The following ARHGEF11 variants were observed in gnomAD, a reference collection of about 807,000 sequenced individuals.
The protein encoded by ARHGEF11 is Rho guanine exchange factor (GEF) 11.
ARHGEF11 carries 55 observed loss-of-function variants against 193.7 expected under a neutral mutation model. The ratio of observed to expected loss-of-function variants is 0.28; its 90% CI spans 0.23 to 0.36. ARHGEF11 has a LOEUF of 0.36. Among genes scored for constraint, ARHGEF11 ranks in the 10% least tolerant of loss-of-function variants. The pLI, the probability that ARHGEF11 is intolerant of heterozygous loss-of-function variation, is 1.00. For synonymous variants in ARHGEF11, 693 were observed against 768.0 expected (o/e 0.90, Z 1.62); for missense variants, 1,723 against 2,005.6 (o/e 0.86, Z 2.69).
At chr1:156,951,839 G>A in intron 21 of ARHGEF11, 140 bp from the exon 22 acceptor site, 3 of 1,131,922 alleles carry the variant, frequency 2.7e-6, no homozygotes, top group South Asian at 1.5e-5. Flanking sequence ...GTCAGGAGAT[G>A]TGTTCTGGTC....
At chr1:156,949,159 A>G in intron 22 of ARHGEF11, 7 of 977,106 alleles carry the variant, frequency 7.2e-6, no homozygotes, top group Non-Finnish European at 8.5e-6. Context: ...TCAAGAGCAG[A>G]CAGGCTTGTG....
chr1:156,967,598 G>A (rs1661865574), intron 11 of ARHGEF11, among the ~76,000 whole-genome samples: 1 of 152,028 alleles, frequency 6.6e-6, no homozygotes, highest in Non-Finnish European at 1.5e-5. Context: ...CTATGTTACG[G>A]TTCCAAGTAA....
chr1:157,015,930 G>A (rs1220185321), intron 1 of ARHGEF11, among the ~76,000 whole-genome samples: 1 of 152,248 alleles, frequency 6.6e-6, no homozygotes, highest in East Asian at 1.9e-4. Flanking sequence ...TGAGGAGGGG[G>A]AGAGATACCT....
At position 157,021,650 on chromosome 1, in the gene ARHGEF11, T is replaced by C. The variant is rs541633671; in HGVS notation, c.32+22649A>G. Among the ~76,000 whole-genome samples the C allele has an allele frequency of 2.1e-5, 3 of 146,274 alleles. No homozygotes were observed. In the South Asian group the frequency reaches 6.7e-4, roughly 33 times the overall value. On this transcript the variant is annotated intron_variant, in intron 1 of 40. Transcript: ENST00000368194. ...CCAAATAAAGCAGTGGAAAAAAAGT[T>C]AGACTAAATTCAAAAGTCTTGCATT...
chr1:157,026,036 A>G (rs1023484036), intron 1 of ARHGEF11, among the ~76,000 whole-genome samples: 4 of 152,234 alleles, frequency 2.6e-5, no homozygotes. Flanking sequence ...CAGCACCCTA[A>G]CTACATTCAC....
intron 37 of ARHGEF11, chr1:156,939,213 T>G: frequency 3.1e-6 from 1 of 321,684 alleles, no homozygotes; most frequent in East Asian, 9.5e-5. Flanking sequence ...GAACAGGAGA[T>G]CAGTGAGGAG....
intron 13 of ARHGEF11, among the ~76,000 whole-genome samples, chr1:156,962,406 G>T (rs1436325915): frequency 6.6e-6 from 1 of 152,146 alleles, no homozygotes; most frequent in Non-Finnish European, 1.5e-5. Flanking sequence ...GCAGAATAAG[G>T]AAACTGGGAA....
intron 6 of ARHGEF11, 70 bp from the exon 7 acceptor site, chr1:156,977,124 T>G (rs1663378017): frequency 6.6e-6 from 9 of 1,366,434 alleles, no homozygotes; most frequent in Non-Finnish European, 9.4e-6. Flanking sequence ...TTCTATCTGC[T>G]GGTTCCTGGG....
rs933682323 is a variant in ARHGEF11 at position 156,978,390 on chromosome 1, G to A, written c.332-8C>T. On this transcript the variant is annotated splice_region_variant and splice_polypyrimidine_tract_variant and intron_variant, in intron 5 of 40. Transcript: ENST00000368194. ...GTGCGACATAGGCGCCAGCTAGAGG[G>A]AAACAGAGAGAGACTTGTTCCAGGA... 7.0e-6 allele frequency: 11 copies of A among 1,580,322 alleles called. No homozygotes were observed. The highest frequency in any genetic ancestry group is 9.4e-6 in the Non-Finnish European group (11 of 1,164,486).
intron 19 of ARHGEF11, 147 bp downstream of exon 19, chr1:156,956,273 T>C: frequency 1.3e-6 from 1 of 793,892 alleles, no homozygotes; most frequent in East Asian, 2.7e-5. Flanking sequence ...TGCACCACTA[T>C]GCTGGACTAA....
At chr1:157,046,086 C>G (rs1673298345), upstream of ARHGEF11, among the ~76,000 whole-genome samples, 1 of 151,212 alleles carries the variant, frequency 6.6e-6, no homozygotes. Flanking sequence ...GCCGTCGCTC[C>G]TCGGCCGGTC....
chr1:156,960,695 G>A (rs768707544), intron 14 of ARHGEF11, among the ~76,000 whole-genome samples: 1 of 152,204 alleles, frequency 6.6e-6, no homozygotes, highest in Non-Finnish European at 1.5e-5. Context: ...GGCGGCACAG[G>A]CAGTTTTTTT....
chr1:156,955,655 G>A (rs1327922164), intron 20 of ARHGEF11, 48 bp downstream of exon 20: 3 of 1,456,780 alleles, frequency 2.1e-6, no homozygotes, highest in Middle Eastern at 1.7e-4. Flanking sequence ...AAAGGGCTGA[G>A]GTCCCTGCCC....
At position 156,941,388 on chromosome 1, in the gene ARHGEF11, A is replaced by G; in HGVS notation, c.3498T>C (p.Pro1166=). ...DSDVFHGEPE[P]EELPGGTGSQ... is the part of the protein sequence containing the mutation. ...GGCCCTTACCTCCAGGCAGCTCCTC[A>G]GGTTCAGGTTCACCATGGAACACGT... Residue 1166 remains proline, a synonymous_variant, in exon 35 of 41, where the codon CCT becomes CCC. Coordinates refer to ENST00000368194, the MANE Select transcript of ARHGEF11 (RefSeq NM_198236.3). 1 of 1,613,490 alleles carries G rather than the reference A, an allele frequency of 6.2e-7. No individual in the cohort carries two copies. Among genetic ancestry groups the G allele is most frequent in the East Asian group, 2.2e-5 (1 of 44,822 alleles).
intron 1 of ARHGEF11, among the ~76,000 whole-genome samples, chr1:157,022,243 A>C (rs1168651714): frequency 6.6e-6 from 1 of 152,200 alleles, no homozygotes; most frequent in Non-Finnish European, 1.5e-5. Context: ...AGAAAAACTT[A>C]TCTCTATACA....
At chr1:156,999,827 T>C (rs1557931167) in intron 1 of ARHGEF11, among the ~76,000 whole-genome samples, 1 of 152,190 alleles carries the variant, frequency 6.6e-6, no homozygotes, top group Non-Finnish European at 1.5e-5. Context: ...TCGTAGCCAC[T>C]GTGTGGCACT....
intron 21 of ARHGEF11, among the ~76,000 whole-genome samples, chr1:156,953,163 G>A (rs1253081421): frequency 6.6e-6 from 1 of 152,230 alleles, no homozygotes; most frequent in Non-Finnish European, 1.5e-5. Context: ...GCAAAGTGGC[G>A]AGGCACACAA....
chr1:156,945,915 C>T (rs992559979), intron 29 of ARHGEF11, 130 bp downstream of exon 29: 28 of 690,890 alleles, frequency 4.1e-5, no homozygotes, highest in Non-Finnish European at 2.5e-6. Context: ...AAACACCCCA[C>T]AACAGAAAAA....
intron 36 of ARHGEF11, 148 bp from the exon 37 acceptor site, chr1:156,940,058 G>GT (rs1225031774): frequency 1.4e-6 from 2 of 1,418,968 alleles, no homozygotes; most frequent in East Asian, 4.8e-5. Flanking sequence ...TGGGGGTTGG[G>GT]TGGGGAATGA....
Sources: gnomAD v4.1 joint callset for allele counts (sites outside exome capture counted in the v4.1 genomes callset) on GRCh38, gnomAD v4.1.1 for gene constraint, MANE v1.5 for transcripts, NCBI Gene and HGNC (gene_info 2026-07-23, HGNC 2026-07-21) for gene names.